The following DYTN variants were observed in gnomAD, a reference collection of about 807,000 sequenced individuals.
The protein encoded by DYTN is dystrotelin.
DYTN carries 75 observed loss-of-function variants against 69.6 expected under a neutral mutation model. The observed-to-expected ratio is 1.08, with a 90% CI of 0.89 to 1.31. The LOEUF (loss-of-function observed/expected upper bound fraction) is 1.31. Ranked by LOEUF, DYTN falls within the 50% of genes most tolerant of loss-of-function variation. The probability of loss-of-function intolerance (pLI) is 0.00; values close to 1 mark genes in which losing one functional copy is unlikely to be tolerated. For synonymous variants in DYTN, 252 were observed against 249.1 expected (o/e 1.01, Z -0.11); for missense variants, 726 against 688.4 (o/e 1.05, Z -0.61).
intron 11 of DYTN, among the ~76,000 whole-genome samples, chr2:206,657,184 G>A (rs1574584847): frequency 6.6e-6 from 1 of 152,042 alleles, no homozygotes; most frequent in African/African-American, 2.4e-5. Flanking sequence ...GGTGTGATTA[G>A]CTCACTGTAA....
At chr2:206,674,336 A>T (rs1430755722) in intron 9 of DYTN, among the ~76,000 whole-genome samples, 1 of 152,034 alleles carries the variant, frequency 6.6e-6, no homozygotes, top group African/African-American at 2.4e-5. Flanking sequence ...TTAACTAATT[A>T]TTTTGAAAAT....
intron 7 of DYTN, among the ~76,000 whole-genome samples, chr2:206,695,367 A>G (rs1340967467): frequency 6.6e-6 from 1 of 152,214 alleles, no homozygotes; most frequent in African/African-American, 2.4e-5. Context: ...GGTGTTGGGG[A>G]AAATTAAGCC....
chr2:206,657,890 C>T (rs368896235), intron 11 of DYTN, among the ~76,000 whole-genome samples: 1 of 152,116 alleles, frequency 6.6e-6, no homozygotes, highest in Non-Finnish European at 1.5e-5. Flanking sequence ...TGGATCTGGA[C>T]GTCCATTTTC....
At position 206,705,806 on chromosome 2, in the gene DYTN, G is replaced by A. The variant is rs1029494329; in HGVS notation, c.364C>T (p.Pro122Ser). ...ATGTTACCTCGGTATTTTGAAAGAG[G>A]GCTGTCTCCTGAGAGGGTTATTAGG... ...AALITLSGDS[P>S]LSKYRALFQL... Residue 122 changes from proline to serine, a missense_variant, in exon 4 of 12, where the codon CCT becomes TCT. Physicochemically the swap from Pro to Ser is moderately conservative, Grantham distance 74 (BLOSUM62 -1). Coordinates refer to ENST00000452335, the MANE Select transcript of DYTN (RefSeq NM_001093730.1). 3.7e-6 allele frequency: 6 copies of A among 1,613,812 alleles called. No homozygotes were observed. The highest frequency in any genetic ancestry group is 5.1e-6 in the Non-Finnish European group (6 of 1,179,846).
At chr2:206,669,229 T>C (rs1295858095) in intron 9 of DYTN, among the ~76,000 whole-genome samples, 1 of 152,232 alleles carries the variant, frequency 6.6e-6, no homozygotes, top group Non-Finnish European at 1.5e-5. Flanking sequence ...ATATCACAGG[T>C]CTTTTTCACA....
At chr2:206,665,032 T>C (rs1174279067) in intron 10 of DYTN, among the ~76,000 whole-genome samples, 2 of 152,254 alleles carry the variant, frequency 1.3e-5, no homozygotes, top group Non-Finnish European at 2.9e-5. Context: ...TATCATGTTT[T>C]GGTGTAGTAT....
At chr2:206,688,421 A>G (rs1409283934) in intron 9 of DYTN, among the ~76,000 whole-genome samples, 1 of 152,178 alleles carries the variant, frequency 6.6e-6, no homozygotes, top group African/African-American at 2.4e-5. Context: ...TAAAATCACC[A>G]ACAAAAAGCA....
At chr2:206,707,958 A>G (rs1259055199) in intron 2 of DYTN, among the ~76,000 whole-genome samples, 21 of 152,184 alleles carry the variant, frequency 1.4e-4, no homozygotes, top group Admixed American at 1.4e-3. Context: ...CAGAAGCAAT[A>G]TGGTGTGTTG....
intron 5 of DYTN, among the ~76,000 whole-genome samples, chr2:206,702,465 T>C (rs575590153): frequency 6.6e-6 from 1 of 152,380 alleles, no homozygotes; most frequent in East Asian, 1.9e-4. Flanking sequence ...CAAACATTTG[T>C]GTAATAGTGA....
chr2:206,676,420 G>A (rs1699687161), intron 9 of DYTN, among the ~76,000 whole-genome samples: 1 of 151,922 alleles, frequency 6.6e-6, no homozygotes, highest in Non-Finnish European at 1.5e-5. Flanking sequence ...ACATACCGGG[G>A]CCTGTCAGGG....
intron 5 of DYTN, among the ~76,000 whole-genome samples, chr2:206,704,313 T>C (rs536047351): frequency 6.6e-6 from 1 of 152,272 alleles, no homozygotes; most frequent in African/African-American, 2.4e-5. Context: ...AGTAGTTTGT[T>C]AAGTGAAAGG....
At chr2:206,716,518 CAT>C (rs1451777865) in intron 1 of DYTN, among the ~76,000 whole-genome samples, 1 of 152,132 alleles carries the variant, frequency 6.6e-6, no homozygotes, top group East Asian at 1.9e-4. Flanking sequence ...GAGGTACAAA[CAT>C]ATATATAACT....
chr2:206,688,667 T>C (rs1221214777), intron 9 of DYTN, among the ~76,000 whole-genome samples: 2 of 152,234 alleles, frequency 1.3e-5, no homozygotes, highest in African/African-American at 4.8e-5. Context: ...TTTGTAAGTA[T>C]TGAATCTGCA....
chr2:206,682,800 C>A (rs1699764410), intron 9 of DYTN, among the ~76,000 whole-genome samples: 1 of 152,082 alleles, frequency 6.6e-6, no homozygotes, highest in Non-Finnish European at 1.5e-5. Context: ...CCTCCACAAA[C>A]CTTCTCTACC....
intron 9 of DYTN, among the ~76,000 whole-genome samples, chr2:206,667,993 A>G (rs936400336): frequency 1.3e-5 from 2 of 152,178 alleles, no homozygotes; most frequent in Non-Finnish European, 2.9e-5. Context: ...ATAGCCCTCT[A>G]ACTTCCAGAC....
rs571665556 is a variant in DYTN at position 206,694,740 on chromosome 2, G to C, written c.831+26C>G. ...CTTATACTGAATTGATTAATGAATA[G>C]TTTGGTATGTGACATTAAATGTTAC... On this transcript the variant is annotated intron_variant, in intron 8 of 11. Coordinates refer to ENST00000452335, the MANE Select transcript of DYTN (RefSeq NM_001093730.1). The C allele has an allele frequency of 2.6e-6, 4 of 1,554,768 alleles. No homozygotes were observed. In the African/African-American group the frequency reaches 4.1e-5, roughly 16 times the overall value.
chr2:206,670,140 TA>T (rs1220930726), intron 9 of DYTN, among the ~76,000 whole-genome samples: 1 of 152,210 alleles, frequency 6.6e-6, no homozygotes, highest in Admixed American at 6.5e-5. Flanking sequence ...TGCTGTTGGA[TA>T]ACAAGTACTG....
chr2:206,658,060 C>T (rs1390892014), intron 11 of DYTN, among the ~76,000 whole-genome samples: 1 of 151,950 alleles, frequency 6.6e-6, no homozygotes, highest in African/African-American at 2.4e-5. Flanking sequence ...TCTTTTTTCC[C>T]TTCTTGTCAG....
intron 1 of DYTN, among the ~76,000 whole-genome samples, chr2:206,717,400 A>T (rs1700139927): frequency 6.6e-6 from 1 of 152,164 alleles, no homozygotes; most frequent in African/African-American, 2.4e-5. Context: ...GTCACCTGGG[A>T]ACCTGTTAGA....
Sources: gnomAD v4.1 joint callset for allele counts (sites outside exome capture counted in the v4.1 genomes callset) on GRCh38, gnomAD v4.1.1 for gene constraint, MANE v1.5 for transcripts, NCBI Gene and HGNC (gene_info 2026-07-23, HGNC 2026-07-21) for gene names.